The following TNIP3 variants were observed in gnomAD, a reference collection of about 807,000 sequenced individuals.
The protein encoded by TNIP3 is TNFAIP3 interacting protein 3, also known as TNFAIP3-interacting protein 3.
A neutral mutation model predicts 54.1 loss-of-function variants in TNIP3; 34 were observed. The ratio of observed to expected loss-of-function variants is 0.63; its 90% CI spans 0.48 to 0.84. The LOEUF is 0.84. Among genes scored for constraint, TNIP3 ranks in the 40% least tolerant of loss-of-function variants. The pLI, the probability that TNIP3 is intolerant of heterozygous loss-of-function variation, is 0.00. For missense variants in TNIP3, 366 were observed against 387.6 expected, an observed-to-expected ratio of 0.94 and a Z score of 0.47; for synonymous variants, 134 against 136.8, an observed-to-expected ratio of 0.98 and a Z score of 0.14.
At chr4:121,219,672 G>C (rs145369854), upstream of TNIP3, among the ~76,000 whole-genome samples, 8 of 152,190 alleles carry the variant, frequency 5.3e-5, no homozygotes, top group Non-Finnish European at 1.0e-4. Flanking sequence ...ACTCACATAG[G>C]TTTTACAGAC....
rs778445390 is a variant in TNIP3, at chr4:121,138,629, G to T, written c.941C>A (p.Ala314Glu). 2.5e-6 allele frequency: 4 copies of T among 1,613,716 alleles called. No individual in the cohort carries two copies. The East Asian group carries it at 8.9e-5, about 36-fold the overall frequency. The change falls in exon 10 of 11, where the codon GCA becomes GAA. Residue 314 changes from alanine to glutamate, a missense_variant. By Grantham distance (107) the Ala-to-Glu change is moderately radical. Coordinates refer to ENST00000057513, the MANE Select transcript of TNIP3 (RefSeq NM_024873.6). ...DQLPPDVQHKANGLSSVKKVH... is the reference protein window; with the variant it reads ...DQLPPDVQHKENGLSSVKKVH... ...CAATACAGCTGTGGTCTCACCATTT[G>T]CCTTGTGTTGTACATCTGGCGGAAG... is the stretch of plus-strand genomic sequence containing the variant.
chr4:121,181,713 T>G (rs1271487453), intron 3 of TNIP3, among the ~76,000 whole-genome samples: 1 of 152,012 alleles, frequency 6.6e-6, no homozygotes, highest in Non-Finnish European at 1.5e-5. Context: ...GTGAGCCTAC[T>G]GGTGGTTTCA....
At chr4:121,137,308 A>G (rs758444834) in intron 10 of TNIP3, 2 of 152,234 alleles carry the variant, frequency 1.3e-5, no homozygotes, top group Admixed American at 6.5e-5. Flanking sequence ...TTAAAATTGC[A>G]TATATTATGC....
upstream of TNIP3, among the ~76,000 whole-genome samples, chr4:121,166,346 T>C (rs1204588470): frequency 6.6e-6 from 1 of 152,212 alleles, no homozygotes; most frequent in African/African-American, 2.4e-5. Flanking sequence ...AATGAGACTT[T>C]CAATATGCCA....
chr4:121,209,144 C>T (rs1020044918), intron 2 of TNIP3, among the ~76,000 whole-genome samples: 12 of 152,210 alleles, frequency 7.9e-5, no homozygotes, highest in African/African-American at 1.9e-4. Context: ...TTGTTAAGGG[C>T]GAGGACGCTG....
At chr4:121,169,605 A>G (rs1730958832) in intron 3 of TNIP3, among the ~76,000 whole-genome samples, 1 of 152,330 alleles carries the variant, frequency 6.6e-6, no homozygotes, top group East Asian at 1.9e-4. Context: ...TGTGGGACTC[A>G]CACATACAAA....
intron 2 of TNIP3, among the ~76,000 whole-genome samples, chr4:121,195,547 C>G (rs928333046): frequency 6.6e-6 from 1 of 152,058 alleles, no homozygotes; most frequent in African/African-American, 2.4e-5. Context: ...GTCAAACAAT[C>G]GAATTCAGAT....
chr4:121,149,776 A>G (rs919965996), intron 6 of TNIP3, among the ~76,000 whole-genome samples: 7 of 152,106 alleles, frequency 4.6e-5, no homozygotes, highest in African/African-American at 1.7e-4. Context: ...AAAAACAAAA[A>G]CAAAAACCAT....
At chr4:121,168,208 CT>C, upstream of TNIP3, among the ~76,000 whole-genome samples, 1 of 151,994 alleles carries the variant, frequency 6.6e-6, no homozygotes, top group South Asian at 2.1e-4. Context: ...TTTTTTCTTT[CT>C]TTTTTCTTTT....
intron 2 of TNIP3, among the ~76,000 whole-genome samples, chr4:121,209,208 T>C (rs1402202726): frequency 6.6e-6 from 1 of 152,236 alleles, no homozygotes; most frequent in Non-Finnish European, 1.5e-5. Flanking sequence ...TGGCTGTTCC[T>C]GAGTTGTATC....
chr4:121,187,695 T>G (rs1435815094), intron 2 of TNIP3, among the ~76,000 whole-genome samples: 1 of 152,218 alleles, frequency 6.6e-6, no homozygotes, highest in East Asian at 1.9e-4. Context: ...CAGAGAGGCT[T>G]GGGAGATAAG....
chr4:121,207,147 T>C (rs1228290731), intron 2 of TNIP3, among the ~76,000 whole-genome samples: 1 of 152,182 alleles, frequency 6.6e-6, no homozygotes. Context: ...TGCTGTTTAT[T>C]TGTTGCTGTT....
intron 2 of TNIP3, among the ~76,000 whole-genome samples, chr4:121,206,230 G>A (rs1726182330): frequency 5.9e-5 from 9 of 152,124 alleles, no homozygotes; most frequent in Admixed American, 5.9e-4. Context: ...TCTTACTTGG[G>A]ATGTCTTTTA....
At chr4:121,209,355 T>C (rs777979732) in intron 2 of TNIP3, among the ~76,000 whole-genome samples, 16 of 152,242 alleles carry the variant, frequency 1.1e-4, no homozygotes, top group Non-Finnish European at 2.1e-4. Context: ...ACTGGACTTA[T>C]AACTGGCCTC....
intron 1 of TNIP3, 111 bp downstream of exon 1, chr4:121,163,948 TA>T: frequency 1.6e-6 from 2 of 1,272,864 alleles, no homozygotes; most frequent in Non-Finnish European, 1.1e-6. Context: ...AAATCTTAGC[TA>T]AAGAAAGCAA....
chr4:121,200,966 AGGTCAATTTTTG>A (rs1466316931), intron 2 of TNIP3, among the ~76,000 whole-genome samples: 1 of 152,146 alleles, frequency 6.6e-6, no homozygotes, highest in African/African-American at 2.4e-5. Flanking sequence ...GTGAAAGTAA[AGGTCAATTTTTG>A]GTAAGATACT....
intron 3 of TNIP3, among the ~76,000 whole-genome samples, chr4:121,178,001 G>GTGGCTTGA (rs1579446670): frequency 6.6e-6 from 1 of 152,206 alleles, no homozygotes; most frequent in South Asian, 2.1e-4. Flanking sequence ...TCAAGTAACA[G>GTGGCTTGA]TGGCTTGATC....
At chr4:121,218,898 CAAT>C (rs1488974122), upstream of TNIP3, among the ~76,000 whole-genome samples, 1 of 152,052 alleles carries the variant, frequency 6.6e-6, no homozygotes, top group Non-Finnish European at 1.5e-5. Flanking sequence ...AAAAGATTTA[CAAT>C]TAAAAACCAC....
intron 6 of TNIP3, among the ~76,000 whole-genome samples, chr4:121,148,564 G>C (rs1729561221): frequency 6.6e-6 from 1 of 152,192 alleles, no homozygotes. Flanking sequence ...TAGGGGTTGA[G>C]AGTTTGACAG....
Sources: allele counts gnomAD v4.1 joint callset (sites outside exome capture counted in the v4.1 genomes callset), GRCh38; gene constraint gnomAD v4.1.1; transcripts MANE v1.5; gene names NCBI Gene and HGNC (gene_info 2026-07-23, HGNC 2026-07-21).